The following NCK2 variants were observed in gnomAD, a reference collection of about 807,000 sequenced individuals.
NCK2 encodes the protein cytoplasmic protein NCK2.
Under a neutral mutation model 33.9 loss-of-function variants are expected in NCK2, and 16 were observed. The observed-to-expected ratio is 0.47, with a 90% CI of 0.32 to 0.72. The LOEUF (loss-of-function observed/expected upper bound fraction) is 0.72, where lower values mean the gene tolerates loss of function less well. Ranked by LOEUF, NCK2 falls within the 30% of genes least tolerant of loss-of-function variation. NCK2 has a pLI of 0.03. For missense variants in NCK2, 418 were observed against 537.3 expected, an observed-to-expected ratio of 0.78 and a Z score of 2.19; for synonymous variants, 273 against 239.9, an observed-to-expected ratio of 1.14 and a Z score of -1.27.
At chr2:105,786,294 T>C (rs1236948501) in intron 1 of NCK2, among the ~76,000 whole-genome samples, 1 of 152,268 alleles carries the variant, frequency 6.6e-6, no homozygotes. Context: ...TAGCTGAGCA[T>C]GTGCTATGTG....
At chr2:105,863,366 C>G (rs1677623032) in intron 3 of NCK2, among the ~76,000 whole-genome samples, 1 of 152,116 alleles carries the variant, frequency 6.6e-6, no homozygotes, top group African/African-American at 2.4e-5. Context: ...TTCAGTTGTC[C>G]CTTTCTCTAT....
In NCK2 at chr2:105,852,460, G is replaced by T. The variant is rs533766196; in HGVS notation, c.-16-2588G>T. On this transcript the variant is annotated intron_variant, in intron 2 of 4. Coordinates refer to ENST00000233154, the MANE Select transcript of NCK2 (RefSeq NM_003581.5). Reference sequence around the variant, plus strand: ...CTTTCATAAAGATACTGATATAATTGGCTTGCAGTAGGGCTCAGGCAGTGG... The same window carrying T: ...CTTTCATAAAGATACTGATATAATTTGCTTGCAGTAGGGCTCAGGCAGTGG... Among the ~76,000 whole-genome samples the T allele has an allele frequency of 1.6e-4, 24 of 152,172 alleles. No homozygotes were observed. In the East Asian group the frequency reaches 4.6e-3, roughly 29 times the overall value.
At chr2:105,782,366 C>G (rs528555201) in intron 1 of NCK2, among the ~76,000 whole-genome samples, 2 of 152,308 alleles carry the variant, frequency 1.3e-5, no homozygotes, top group Middle Eastern at 6.8e-3. Flanking sequence ...AAAAATCTCC[C>G]TAAAACTAGT....
Position 105,816,558 on chromosome 2 carries a change from T to C in NCK2, c.-72T>C, listed in dbSNP as rs752379954. 4 of 152,216 alleles carry C rather than the reference T, an allele frequency of 2.6e-5. No homozygotes were observed. The highest frequency in any genetic ancestry group is 4.4e-5 in the Non-Finnish European group (3 of 68,044). The allele number at this position is 152,216 out of a possible 1,614,324, so 9.4% of individuals were successfully genotyped here. The stretch of plus-strand genomic sequence containing the variant: ...TCAGAGGTGTAATTAGCTGAAAACA[T>C]CATCGTTTTGAAGAGTTCTGCGTTT... On this transcript the variant is annotated 5_prime_UTR_variant, in exon 2 of 5. Transcript: ENST00000233154.
chr2:105,774,565 G>A (rs187359384), intron 1 of NCK2, among the ~76,000 whole-genome samples: 19 of 152,198 alleles, frequency 1.2e-4, no homozygotes, highest in East Asian at 3.9e-4. Context: ...AGATTTGATC[G>A]TCTCAATTTG....
At chr2:105,754,759 A>G (rs1409901942) in intron 1 of NCK2, among the ~76,000 whole-genome samples, 1 of 152,004 alleles carries the variant, frequency 6.6e-6, no homozygotes, top group African/African-American at 2.4e-5. Context: ...AGCTACTTGA[A>G]TATTTTTAAG....
intron 2 of NCK2, among the ~76,000 whole-genome samples, chr2:105,846,114 C>T (rs1194046875): frequency 6.6e-6 from 1 of 152,064 alleles, no homozygotes; most frequent in Non-Finnish European, 1.5e-5. Context: ...AGCCTTCCTC[C>T]CAGTGTGATT....
chr2:105,782,011 C>T (rs983759735), intron 1 of NCK2, among the ~76,000 whole-genome samples: 3 of 152,200 alleles, frequency 2.0e-5, no homozygotes, highest in Non-Finnish European at 4.4e-5. Flanking sequence ...TGAAAACCTG[C>T]GGCCCATCAG....
chr2:105,798,165 T>C (rs543823786), intron 1 of NCK2, among the ~76,000 whole-genome samples: 1 of 152,332 alleles, frequency 6.6e-6, no homozygotes, highest in South Asian at 2.1e-4. Context: ...AATGTTCGCT[T>C]GTTGTAATGT....
intron 3 of NCK2, among the ~76,000 whole-genome samples, chr2:105,863,055 T>C (rs1254834112): frequency 1.3e-5 from 2 of 152,228 alleles, no homozygotes; most frequent in African/African-American, 2.4e-5. Flanking sequence ...AGAATGGTTC[T>C]AACAGTACAT....
At chr2:105,746,118 C>T (rs1372190114) in intron 1 of NCK2, among the ~76,000 whole-genome samples, 4 of 152,186 alleles carry the variant, frequency 2.6e-5, no homozygotes, top group Non-Finnish European at 5.9e-5. Flanking sequence ...GCCTTGGCCA[C>T]TTCACACAAT....
chr2:105,791,384 T>G (rs1690877894), intron 1 of NCK2, among the ~76,000 whole-genome samples: 1 of 152,158 alleles, frequency 6.6e-6, no homozygotes, highest in Admixed American at 6.5e-5. Flanking sequence ...CCAGGTGTGG[T>G]GGAAGGCTCG....
chr2:105,747,972 T>G (rs1689341116), intron 1 of NCK2, among the ~76,000 whole-genome samples: 1 of 152,252 alleles, frequency 6.6e-6, no homozygotes, highest in African/African-American at 2.4e-5. Flanking sequence ...TTTTCCTGCA[T>G]TTTCCTTTGA....
At chr2:105,797,312 A>G (rs1190270695) in intron 1 of NCK2, among the ~76,000 whole-genome samples, 1 of 152,164 alleles carries the variant, frequency 6.6e-6, no homozygotes, top group Non-Finnish European at 1.5e-5. Flanking sequence ...TCTGCACAGG[A>G]AATAACCAAT....
intron 1 of NCK2, among the ~76,000 whole-genome samples, chr2:105,803,795 C>T (rs1474818211): frequency 6.6e-6 from 1 of 152,162 alleles, no homozygotes; most frequent in Non-Finnish European, 1.5e-5. Flanking sequence ...TCATAACCAC[C>T]TAGAAGCTTT....
intron 1 of NCK2, among the ~76,000 whole-genome samples, chr2:105,794,248 CA>C: frequency 6.6e-6 from 1 of 152,040 alleles, no homozygotes; most frequent in South Asian, 2.1e-4. Context: ...TCTAAAATTT[CA>C]CCATGTTGGC....
intron 4 of NCK2, among the ~76,000 whole-genome samples, chr2:105,883,559 G>A (rs1678595229): frequency 6.6e-6 from 1 of 152,090 alleles, no homozygotes; most frequent in Admixed American, 6.6e-5. Flanking sequence ...GACTTTAGAG[G>A]GTAGATGAAA....
intron 1 of NCK2, among the ~76,000 whole-genome samples, chr2:105,781,873 T>C (rs1176556387): frequency 1.3e-5 from 2 of 152,262 alleles, no homozygotes; most frequent in Admixed American, 1.3e-4. Context: ...CTGAATGAAC[T>C]GGTATACGTG....
At chr2:105,852,778 A>G (rs1162461554) in intron 2 of NCK2, among the ~76,000 whole-genome samples, 5 of 152,152 alleles carry the variant, frequency 3.3e-5, no homozygotes, top group Non-Finnish European at 5.9e-5. Flanking sequence ...CAAAAGTCTA[A>G]TCTGACATAA....
Sources: allele counts gnomAD v4.1 joint callset (sites outside exome capture counted in the v4.1 genomes callset), GRCh38; gene constraint gnomAD v4.1.1; transcripts MANE v1.5; gene names NCBI Gene and HGNC (gene_info 2026-07-23, HGNC 2026-07-21).